The following MAN1C1 variants were observed in gnomAD, a reference collection of about 807,000 sequenced individuals.
MAN1C1 encodes the protein mannosyl-oligosaccharide 1,2-alpha-mannosidase IC.
A neutral mutation model predicts 71.5 loss-of-function variants in MAN1C1; 49 were observed. The ratio of observed to expected loss-of-function variants is 0.69; its 90% CI spans 0.54 to 0.87. MAN1C1 has a LOEUF of 0.87. Ranked by LOEUF, MAN1C1 falls within the 40% of genes least tolerant of loss-of-function variation. The pLI is 0.00. For synonymous variants in MAN1C1, 352 were observed against 343.7 expected (o/e 1.02, Z -0.27); for missense variants, 743 against 835.0 (o/e 0.89, Z 1.36).
chr1:25,644,497 C>CATATATATATATATAT (rs1204408970), intron 1 of MAN1C1: 2 of 80,146 alleles, frequency 2.5e-5, no homozygotes, highest in African/African-American at 1.8e-4. Flanking sequence ...GTACCAGAGA[C>CATATATATATATATAT]ATATATATAT....
At chr1:25,653,814 C>T (rs1355078496) in intron 1 of MAN1C1, among the ~76,000 whole-genome samples, 5 of 152,300 alleles carry the variant, frequency 3.3e-5, no homozygotes, top group South Asian at 2.1e-4. Context: ...GGGAGCAGCA[C>T]GCTTCAAAAC....
In MAN1C1 at chr1:25,624,416, G is replaced by T. The variant is rs568721100; in HGVS notation, c.540+6079G>T. 2.0e-5 allele frequency among the ~76,000 whole-genome samples: 3 copies of T among 152,234 alleles called. No homozygotes were observed. In the South Asian group the frequency reaches 6.2e-4, roughly 32 times the overall value. ...TTGCGGGTGTTTCCTCCCCTAGAAG[G>T]CTGTTGCCTAAGATTTGATTGAGAG... On this transcript the variant is annotated intron_variant, in intron 1 of 11. Coordinates refer to ENST00000374332, the MANE Select transcript of MAN1C1 (RefSeq NM_020379.4).
At chr1:25,661,950 AT>A (rs138153196) in intron 1 of MAN1C1, among the ~76,000 whole-genome samples, 3,008 of 152,242 alleles carry the variant, frequency 0.02, 103 homozygotes, top group African/African-American at 0.068. Flanking sequence ...CCCTTGAGGA[AT>A]TTTTTTAACT....
chr1:25,706,961 C>T (rs2046532143), intron 2 of MAN1C1, among the ~76,000 whole-genome samples: 1 of 152,210 alleles, frequency 6.6e-6, no homozygotes, highest in Admixed American at 6.5e-5. Context: ...GTAGGATTCC[C>T]ACCTTAGTTG....
At chr1:25,712,252 A>C (rs1186985309) in intron 2 of MAN1C1, among the ~76,000 whole-genome samples, 1 of 152,224 alleles carries the variant, frequency 6.6e-6, no homozygotes, top group Admixed American at 6.5e-5. Flanking sequence ...CCCCACGTCT[A>C]ACCTCCAGTT....
intron 8 of MAN1C1, among the ~76,000 whole-genome samples, chr1:25,773,357 T>G (rs1039669520): frequency 6.6e-6 from 1 of 152,218 alleles, no homozygotes; most frequent in African/African-American, 2.4e-5. Context: ...CCAGGAATGG[T>G]GGTGCTTAAA....
At chr1:25,717,668 C>G (rs1003181553) in intron 2 of MAN1C1, among the ~76,000 whole-genome samples, 2 of 151,754 alleles carry the variant, frequency 1.3e-5, no homozygotes, top group Non-Finnish European at 2.9e-5. Context: ...CTCCGCCTCC[C>G]GGGTTCAAGC....
intron 1 of MAN1C1, among the ~76,000 whole-genome samples, chr1:25,660,078 TAGAG>T (rs1262002452): frequency 1.3e-5 from 2 of 152,306 alleles, no homozygotes; most frequent in East Asian, 1.9e-4. Context: ...AGGAAAGTGA[TAGAG>T]AGAATGCTAA....
chr1:25,751,734 C>T (rs1298330057), intron 4 of MAN1C1, among the ~76,000 whole-genome samples: 3 of 152,194 alleles, frequency 2.0e-5, no homozygotes, highest in African/African-American at 7.2e-5. Context: ...ATGTTATCAC[C>T]GATTTGCAGA....
At position 25,783,647 on chromosome 1, in the gene MAN1C1, C is replaced by T; in HGVS notation, c.1767-16C>T. ...GACAGACTGTGTCTTGCTTCCCTGC[C>T]CTGCGTGGGGCACAGGTATCTCTAT... On this transcript the variant is annotated splice_polypyrimidine_tract_variant and intron_variant, in intron 11 of 11. Transcript: ENST00000374332. 3 of 1,610,226 alleles carry T rather than the reference C, an allele frequency of 1.9e-6. No homozygotes were observed. The highest frequency in any genetic ancestry group is 1.1e-5 in the South Asian group (1 of 91,030).
chr1:25,703,964 G>T (rs970608975), intron 2 of MAN1C1, among the ~76,000 whole-genome samples: 1 of 152,120 alleles, frequency 6.6e-6, no homozygotes, highest in Non-Finnish European at 1.5e-5. Flanking sequence ...GCACTGGCGG[G>T]ATCTGTCTGC....
intron 7 of MAN1C1, among the ~76,000 whole-genome samples, chr1:25,771,015 G>A (rs1222430198): frequency 1.3e-5 from 2 of 152,204 alleles, no homozygotes; most frequent in African/African-American, 4.8e-5. Flanking sequence ...TGGGTGGAGA[G>A]ACCTCTGGTT....
intron 2 of MAN1C1, among the ~76,000 whole-genome samples, chr1:25,716,414 C>T (rs184620353): frequency 4.0e-4 from 61 of 152,324 alleles, no homozygotes; most frequent in African/African-American, 1.3e-3. Context: ...CTCACTGCAA[C>T]CTCCACCTCC....
Position 25,783,792 on chromosome 1 carries a change from C to G in MAN1C1, c.*3C>G. 6.2e-7 allele frequency: 1 copy of G among 1,608,764 alleles called. No individual in the cohort carries two copies. The highest frequency in any genetic ancestry group is 8.5e-7 in the Non-Finnish European group (1 of 1,179,394). On this transcript the variant is annotated 3_prime_UTR_variant, in exon 12 of 12. Transcript: ENST00000374332. ...GCAGAGCCTGGGGCAGACACTGACC[C>G]CATCTCCTGCCGCCGCCCTGGGGCC...
intron 1 of MAN1C1, among the ~76,000 whole-genome samples, chr1:25,672,443 T>C (rs1461139864): frequency 6.6e-6 from 1 of 152,220 alleles, no homozygotes; most frequent in Non-Finnish European, 1.5e-5. Context: ...ACATCTACCA[T>C]GAACCATCAC....
chr1:25,762,411 C>A (rs1346398124), intron 6 of MAN1C1, among the ~76,000 whole-genome samples: 1 of 150,834 alleles, frequency 6.6e-6, no homozygotes, highest in African/African-American at 2.4e-5. Flanking sequence ...GAGTGAGCCA[C>A]CACCCCTAAC....
intron 2 of MAN1C1, among the ~76,000 whole-genome samples, chr1:25,691,493 C>T (rs570913055): frequency 6.6e-6 from 1 of 152,216 alleles, no homozygotes; most frequent in Non-Finnish European, 1.5e-5. Flanking sequence ...GTTTTGAGAA[C>T]AAAATGAGTT....
chr1:25,677,701 T>C (rs2046089077), intron 1 of MAN1C1, among the ~76,000 whole-genome samples: 1 of 152,094 alleles, frequency 6.6e-6, no homozygotes, highest in Non-Finnish European at 1.5e-5. Flanking sequence ...TGAGTCTATA[T>C]TCTTATAAAA....
intron 11 of MAN1C1, among the ~76,000 whole-genome samples, chr1:25,783,146 C>T (rs181063031): frequency 2.2e-3 from 340 of 152,254 alleles, no homozygotes; most frequent in Middle Eastern, 0.01. Context: ...TCACTGTTCC[C>T]CAAAGCAAGC....
Sources: gnomAD v4.1 joint callset for allele counts (sites outside exome capture counted in the v4.1 genomes callset) on GRCh38, gnomAD v4.1.1 for gene constraint, MANE v1.5 for transcripts, NCBI Gene and HGNC (gene_info 2026-07-23, HGNC 2026-07-21) for gene names.